The following LIMK1 variants were observed in gnomAD, a reference collection of about 807,000 sequenced individuals.
The protein encoded by LIMK1 is LIM motif-containing protein kinase.
LIMK1 carries 21 observed loss-of-function variants against 77.6 expected under a neutral mutation model. That is an observed-to-expected ratio of 0.27 (90% CI 0.19 to 0.39). The LOEUF is 0.39. Among genes scored for constraint, LIMK1 ranks in the 10% least tolerant of loss-of-function variants. The pLI, the probability that LIMK1 is intolerant of heterozygous loss-of-function variation, is 1.00. For synonymous variants in LIMK1, 358 were observed against 370.0 expected, an observed-to-expected ratio of 0.97 and a Z score of 0.37; for missense variants, 696 against 901.6, an observed-to-expected ratio of 0.77 and a Z score of 2.92.
In LIMK1 at chr7:74,108,826, G is replaced by A. The variant is rs2115718550; in HGVS notation, c.1153-79G>A. The A allele has an allele frequency of 2.6e-6, 4 of 1,555,936 alleles. No homozygotes were observed. In the South Asian group the frequency reaches 4.8e-5, roughly 19 times the overall value. ...TTGAGACCGCCTACAGCCCCTGGTG[G>A]GATGGAAAAGGGAGAAGCAGACCCA... is the stretch of plus-strand genomic sequence containing the variant. On this transcript the variant is annotated intron_variant, in intron 9 of 15. Transcript: ENST00000336180.
chr7:74,084,326 G>T (rs1799090091), intron 1 of LIMK1, among the ~76,000 whole-genome samples: 1 of 151,934 alleles, frequency 6.6e-6, no homozygotes, highest in Non-Finnish European at 1.5e-5. Context: ...CCCACCCCGC[G>T]TCGGCCTCCA....
chr7:74,114,490 G>A (rs1343099748), intron 12 of LIMK1, among the ~76,000 whole-genome samples: 1 of 150,642 alleles, frequency 6.6e-6, no homozygotes, highest in Admixed American at 6.7e-5. Context: ...AGTTGAGGCT[G>A]CAATGAGCTG....
intron 1 of LIMK1, 77 bp downstream of exon 1, chr7:74,084,122 G>A (rs904791357): frequency 3.7e-6 from 3 of 809,016 alleles, no homozygotes; most frequent in African/African-American, 3.6e-5. Flanking sequence ...AGGGGGCCGG[G>A]TCTGCCAGGA....
At chr7:74,105,407 G>A (rs188381077) in intron 5 of LIMK1, among the ~76,000 whole-genome samples, 67 of 152,104 alleles carry the variant, frequency 4.4e-4, no homozygotes, top group African/African-American at 1.6e-3. Context: ...CAGCTACTCA[G>A]GAGGCTGAGG....
At chr7:74,094,819 G>A (rs1473794336) in intron 2 of LIMK1, among the ~76,000 whole-genome samples, 3 of 150,788 alleles carry the variant, frequency 2.0e-5, no homozygotes, top group Non-Finnish European at 4.4e-5. Context: ...GTCTCCTGCC[G>A]CCCCTGCCAC....
In LIMK1 at chr7:74,120,952, A is replaced by G. The variant is rs1554700454; in HGVS notation, c.1684A>G (p.Asn562Asp). ...GCCCCGCACCATGGACTTTGGCCTC[A>G]ACGTGCGAGGATTCCTGGACCGCTA... ...YLPRTMDFGL[N>D]VRGFLDRYCP... The change falls in exon 15 of 16, where the codon AAC becomes GAC. Residue 562 changes from asparagine (N) to aspartate (D), a missense_variant. By Grantham distance (23) the Asn-to-Asp change is conservative. Transcript: ENST00000336180. 1 of 1,613,928 alleles carries G rather than the reference A, an allele frequency of 6.2e-7. No individual in the cohort carries two copies. Among genetic ancestry groups the G allele is most frequent in the East Asian group, 2.2e-5 (1 of 44,870 alleles).
At chr7:74,093,480 A>G (rs1554695098) in intron 2 of LIMK1, among the ~76,000 whole-genome samples, 1 of 152,198 alleles carries the variant, frequency 6.6e-6, no homozygotes, top group Non-Finnish European at 1.5e-5. Context: ...CTTCCAGGAC[A>G]GTCTCCCCAT....
chr7:74,090,933 T>C (rs1799223443), intron 2 of LIMK1, among the ~76,000 whole-genome samples: 2 of 152,238 alleles, frequency 1.3e-5, no homozygotes, highest in South Asian at 2.1e-4. Flanking sequence ...AGCGATTTTT[T>C]TTTTGAGTCT....
intron 2 of LIMK1, among the ~76,000 whole-genome samples, chr7:74,095,401 C>T (rs530351582): frequency 2.6e-5 from 4 of 152,256 alleles, no homozygotes; most frequent in Admixed American, 1.3e-4. Context: ...CTGGGGCACC[C>T]GCATTTGGTT....
chr7:74,111,906 C>T (rs782489844), intron 11 of LIMK1, 27 bp from the exon 12 acceptor site: 8 of 1,602,470 alleles, frequency 5.0e-6, no homozygotes, highest in Non-Finnish European at 6.8e-6. Flanking sequence ...CACAGCTGCC[C>T]CCTGACTCCC....
At chr7:74,090,659 ACTGAGAC>A (rs569223407) in intron 2 of LIMK1, among the ~76,000 whole-genome samples, 73 of 152,244 alleles carry the variant, frequency 4.8e-4, no homozygotes, top group African/African-American at 1.8e-3. Flanking sequence ...CATTTCATGC[ACTGAGAC>A]CTTTGTTCCA....
At chr7:74,095,962 CTTTTTCTTTTTT>C (rs1799329692) in intron 2 of LIMK1, among the ~76,000 whole-genome samples, 1 of 116,770 alleles carries the variant, frequency 8.6e-6, no homozygotes, top group Non-Finnish European at 1.7e-5. Flanking sequence ...CTCTATTTTT[CTTTTTCTTTTTT>C]TTTTTTTTGG....
chr7:74,088,617 G>T (rs1418065458), intron 2 of LIMK1, among the ~76,000 whole-genome samples: 1 of 151,650 alleles, frequency 6.6e-6, no homozygotes. Flanking sequence ...CCTGGCCAAC[G>T]TGGTGAAACC....
chr7:74,111,576 C>G (rs1401438868), intron 10 of LIMK1, 72 bp from the exon 11 acceptor site: 40 of 1,301,656 alleles, frequency 3.1e-5, no homozygotes, highest in Non-Finnish European at 9.8e-6. Context: ...CTTCCTGCCT[C>G]TGTCTCATGC....
At chr7:74,102,852 A>G (rs1418067437) in intron 5 of LIMK1, among the ~76,000 whole-genome samples, 1 of 149,522 alleles carries the variant, frequency 6.7e-6, no homozygotes, top group Non-Finnish European at 1.5e-5. Context: ...TTTAATCGTC[A>G]TGTGTCATCA....
At chr7:74,109,278 C>G in intron 10 of LIMK1, 1 of 461,798 alleles carries the variant, frequency 2.2e-6, no homozygotes, top group South Asian at 2.0e-5. Flanking sequence ...GAGGATCACT[C>G]GAGGCCAGGA....
chr7:74,106,451 C>T (rs1554697526), intron 7 of LIMK1, among the ~76,000 whole-genome samples: 1 of 152,120 alleles, frequency 6.6e-6, no homozygotes, highest in East Asian at 1.9e-4. Flanking sequence ...AAAGAGGAAA[C>T]ACACATTTTT....
chr7:74,093,766 C>A (rs1799282867), intron 2 of LIMK1, among the ~76,000 whole-genome samples: 1 of 152,196 alleles, frequency 6.6e-6, no homozygotes, highest in African/African-American at 2.4e-5. Context: ...CTCTGGCTGT[C>A]CCCAGGGCAG....
chr7:74,085,815 G>T lies in LIMK1; in HGVS notation c.123G>T (p.Leu41=). The change falls in exon 2 of 16, where the codon CTG becomes CTT. Residue 41 remains leucine (L), a synonymous_variant. Transcript: ENST00000336180. ...ATGATGGCCAGTACCTCCAGGCCCT[G>T]AACGCGGACTGGCACGCAGACTGCT... ...RIYDGQYLQA[L]NADWHADCFR... 1 of 1,561,000 alleles carries T rather than the reference G, an allele frequency of 6.4e-7. No individual in the cohort carries two copies.
Sources: allele counts gnomAD v4.1 joint callset (sites outside exome capture counted in the v4.1 genomes callset), GRCh38; gene constraint gnomAD v4.1.1; transcripts MANE v1.5; gene names NCBI Gene and HGNC (gene_info 2026-07-23, HGNC 2026-07-21).